Variants in ABHD18 observed in about 807,000 individuals in gnomAD.
ABHD18 encodes the protein cardiolipin-specific deacylase, mitochondrial.
Under a neutral mutation model 65.9 loss-of-function variants are expected in ABHD18, and 55 were observed. The ratio of observed to expected loss-of-function variants is 0.84; its 90% CI spans 0.67 to 1.05. ABHD18 has a LOEUF of 1.05. Ranked by LOEUF, ABHD18 falls within the 50% of genes least tolerant of loss-of-function variation. The pLI is 0.00. For synonymous variants in ABHD18, 181 were observed against 180.2 expected (o/e 1.00, Z -0.04); for missense variants, 533 against 558.5 (o/e 0.95, Z 0.46).
At chr4:128,034,231 A>G (rs554782955) in intron 12 of ABHD18, among the ~76,000 whole-genome samples, 1 of 152,292 alleles carries the variant, frequency 6.6e-6, no homozygotes, top group South Asian at 2.1e-4. Flanking sequence ...TGCTGGGATT[A>G]CAGGCGTAAG....
chr4:128,014,141 GC>G (rs1207439567), intron 7 of ABHD18, among the ~76,000 whole-genome samples: 1 of 151,656 alleles, frequency 6.6e-6, no homozygotes, highest in East Asian at 1.9e-4. Flanking sequence ...GCGCCACCAC[GC>G]CCAGCTAATT....
chr4:127,978,277 G>A (rs1748348433), intron 1 of ABHD18, among the ~76,000 whole-genome samples: 1 of 151,986 alleles, frequency 6.6e-6, no homozygotes, highest in African/African-American at 2.4e-5. Context: ...TTTAAAAATA[G>A]GAATTAGAAA....
Position 128,032,870 on chromosome 4 carries a change from C to T in ABHD18, c.1343+2198C>T, listed in dbSNP as rs931117892. 5.3e-5 allele frequency among the ~76,000 whole-genome samples: 8 copies of T among 152,138 alleles called. No individual in the cohort carries two copies. The South Asian group carries it at 1.2e-3, about 24-fold the overall frequency. ...GACATACATTACATGTACACAAGCC[C>T]GTATTGTAACTTTTGGCACCAGGAA... On this transcript the variant is annotated intron_variant, in intron 12 of 12. Transcript: ENST00000645843.
chr4:128,012,419 TTG>T (rs1458819073), intron 7 of ABHD18, among the ~76,000 whole-genome samples: 3 of 152,186 alleles, frequency 2.0e-5, no homozygotes, highest in Non-Finnish European at 2.9e-5. Flanking sequence ...ATAATCTGTA[TTG>T]TGTTTGGTTT....
intron 1 of ABHD18, among the ~76,000 whole-genome samples, chr4:127,966,900 A>C (rs61027047): frequency 0.028 from 4,252 of 150,106 alleles, 268 homozygotes; most frequent in East Asian, 0.25. Context: ...AAAAAAAAAA[A>C]CCAAAAACCT....
At chr4:127,986,130 C>A (rs1749908103) in intron 3 of ABHD18, among the ~76,000 whole-genome samples, 1 of 152,128 alleles carries the variant, frequency 6.6e-6, no homozygotes. Flanking sequence ...AGAATATTTT[C>A]ATTGTCCTAA....
chr4:128,008,261 CTTTTT>C (rs1167728243), intron 4 of ABHD18, among the ~76,000 whole-genome samples: 29 of 97,778 alleles, frequency 3.0e-4, no homozygotes, highest in African/African-American at 1.0e-3. Context: ...GACTCCGTTC[CTTTTT>C]TTTTTTTTTT....
chr4:127,983,740 C>A (rs1280141062), intron 2 of ABHD18, among the ~76,000 whole-genome samples: 3 of 152,134 alleles, frequency 2.0e-5, no homozygotes, highest in Non-Finnish European at 2.9e-5. Flanking sequence ...TGACGGGCAC[C>A]TGTAATCCTA....
rs566970835 is a variant in ABHD18 at position 127,983,478 on chromosome 4, T to A, written c.92+431T>A. 2.6e-5 allele frequency among the ~76,000 whole-genome samples: 4 copies of A among 152,300 alleles called. No individual in the cohort carries two copies. In the South Asian group the frequency reaches 8.3e-4, roughly 32 times the overall value. The stretch of plus-strand genomic sequence containing the variant: ...AGCCAGGATTGGTGGCTCACGCCTG[T>A]AATCCCAGCACTTTGGGAGGCTGAG... On this transcript the variant is annotated intron_variant, in intron 2 of 12. Transcript: ENST00000645843.
In ABHD18 at chr4:127,987,348, T is replaced by C. The variant is rs190477610; in HGVS notation, c.178-2373T>C. On this transcript the variant is annotated intron_variant, in intron 3 of 12. Coordinates refer to ENST00000645843, the MANE Select transcript of ABHD18 (RefSeq NM_001358451.3). ...GTCTTGGCAACAGAGTGAGACCCAG[T>C]CTCAAAAAATAGTAATAATAATGTA... Among the ~76,000 whole-genome samples, 245 of 151,554 alleles carry C rather than the reference T, an allele frequency of 1.6e-3. 1 individual carries two copies. Among genetic ancestry groups the C allele is most frequent in the African/African-American group, 5.5e-3 (229 of 41,306 alleles).
chr4:127,967,708 G>GAA (rs796595535), intron 1 of ABHD18, among the ~76,000 whole-genome samples: 1,436 of 129,620 alleles, frequency 0.011, 10 homozygotes, highest in Non-Finnish European at 0.016. Flanking sequence ...GTACCAGTAG[G>GAA]AAAAAAAAAA....
intron 10 of ABHD18, among the ~76,000 whole-genome samples, chr4:128,024,687 C>T (rs1757070939): frequency 6.6e-6 from 1 of 151,916 alleles, no homozygotes; most frequent in Admixed American, 6.6e-5. Flanking sequence ...TTGCCTTCAA[C>T]CAATTTTAAT....
rs1384537044 is a variant in ABHD18, at chr4:128,035,858, A to G, written c.*45A>G. Reference sequence around the variant, plus strand: ...CAGTGTGGCCATGATGTTTCTTACAAAAGGGAGCTTCATCCTGTGATCATG... The same window carrying G: ...CAGTGTGGCCATGATGTTTCTTACAGAAGGGAGCTTCATCCTGTGATCATG... On this transcript the variant is annotated 3_prime_UTR_variant, in exon 13 of 13. Coordinates refer to ENST00000645843, the MANE Select transcript of ABHD18 (RefSeq NM_001358451.3). The G allele has an allele frequency of 1.6e-6, 2 of 1,243,684 alleles. No homozygotes were observed. Among genetic ancestry groups the G allele is most frequent in the South Asian group, 1.5e-5 (1 of 68,544 alleles). The allele number at this position is 1,243,684 out of a possible 1,614,324, so 77.0% of individuals were successfully genotyped here.
chr4:128,038,415 C>T lies in ABHD18; in HGVS notation c.*2602C>T, dbSNP rs541768202. On this transcript the variant is annotated 3_prime_UTR_variant, in exon 13 of 13. Coordinates refer to ENST00000645843, the MANE Select transcript of ABHD18 (RefSeq NM_001358451.3). The stretch of plus-strand genomic sequence containing the variant: ...AACAATGGTTTTAGTAAAACAAATA[C>T]TTTATTATTGTTCACATAAACATTT... The T allele has an allele frequency of 3.9e-5, 6 of 152,158 alleles. No homozygotes were observed. In the South Asian group the frequency reaches 1.0e-3, roughly 26 times the overall value. 9.4% of individuals were successfully genotyped at this position (152,158 alleles called of 1,614,324 possible).
rs1299730416 is a variant in ABHD18 at position 128,020,879 on chromosome 4, C to G, written c.700-258C>G. 3.3e-5 allele frequency among the ~76,000 whole-genome samples: 5 copies of G among 152,106 alleles called. 1 individual carries two copies. In the East Asian group the frequency reaches 7.8e-4, roughly 24 times the overall value. On this transcript the variant is annotated intron_variant, in intron 9 of 12. Coordinates refer to ENST00000645843, the MANE Select transcript of ABHD18 (RefSeq NM_001358451.3). ...TGAAACTCTGTCTCTACTAAAAATA[C>G]AAAAATTAGCTGGGCGTGGTGGCAC...
intron 10 of ABHD18, among the ~76,000 whole-genome samples, 156 bp downstream of exon 10, chr4:128,021,394 T>G (rs762785008): frequency 6.6e-6 from 1 of 152,204 alleles, no homozygotes; most frequent in Non-Finnish European, 1.5e-5. Context: ...CTGGGCATGG[T>G]GGGTCACACC....
At chr4:128,008,847 T>G in intron 4 of ABHD18, 73 bp from the exon 5 acceptor site, 2 of 1,025,602 alleles carry the variant, frequency 2.0e-6, no homozygotes, top group Non-Finnish European at 2.8e-6. Flanking sequence ...TGTAAAAGTT[T>G]TAAGAACTGA....
At position 128,039,575 on chromosome 4, in the gene ABHD18, G is replaced by A. The variant is rs1057412656; in HGVS notation, c.*3762G>A. Reference sequence around the variant, plus strand: ...GTCATTTTAGCATGTGCATTTTAGAGTCCTTCTTTGTATTTTTGTAATGTG... The same window carrying A: ...GTCATTTTAGCATGTGCATTTTAGAATCCTTCTTTGTATTTTTGTAATGTG... On this transcript the variant is annotated 3_prime_UTR_variant, in exon 13 of 13. Transcript: ENST00000645843. 1.3e-5 allele frequency: 2 copies of A among 152,192 alleles called. No individual in the cohort carries two copies. Among genetic ancestry groups the A allele is most frequent in the East Asian group, 3.9e-4 (2 of 5,188 alleles). 9.4% of individuals were successfully genotyped at this position (152,192 alleles called of 1,614,324 possible).
At chr4:128,011,171 C>T (rs1429962529) in intron 6 of ABHD18, among the ~76,000 whole-genome samples, 7 of 142,602 alleles carry the variant, frequency 4.9e-5, no homozygotes, top group South Asian at 2.2e-4. Flanking sequence ...TTTTTTGAGA[C>T]GGACTCTCGC....
Sources: allele counts gnomAD v4.1 joint callset (sites outside exome capture counted in the v4.1 genomes callset), GRCh38; gene constraint gnomAD v4.1.1; transcripts MANE v1.5; gene names NCBI Gene and HGNC (gene_info 2026-07-23, HGNC 2026-07-21).